The following MTMR12 variants were observed in gnomAD, a reference collection of about 807,000 sequenced individuals.
MTMR12 encodes myotubularin-related protein 12.
MTMR12 carries 33 observed loss-of-function variants against 96.7 expected under a neutral mutation model. The observed-to-expected ratio is 0.34, with a 90% confidence interval of 0.26 to 0.46. The LOEUF is 0.46. Among genes scored for constraint, MTMR12 ranks in the 20% least tolerant of loss-of-function variants. The pLI, the probability that MTMR12 is intolerant of heterozygous loss-of-function variation, is 1.00. For missense variants in MTMR12, 721 were observed against 896.1 expected (o/e 0.80, Z 2.49); for synonymous variants, 298 against 327.2 (o/e 0.91, Z 0.96).
intron 1 of MTMR12, among the ~76,000 whole-genome samples, chr5:32,277,126 C>T (rs963388340): frequency 3.9e-5 from 6 of 151,956 alleles, no homozygotes; most frequent in Non-Finnish European, 8.8e-5. Flanking sequence ...ACCTTGTGAT[C>T]TGCCCGCGTC....
chr5:32,229,763 CACTCA>C lies in MTMR12; in HGVS notation c.*10_*14del, dbSNP rs1747913896. 2 of 1,497,234 alleles carry C rather than the reference CACTCA, an allele frequency of 1.3e-6. No individual in the cohort carries two copies. Among genetic ancestry groups the C allele is most frequent in the Non-Finnish European group, 1.8e-6 (2 of 1,122,318 alleles). 92.7% of individuals were successfully genotyped at this position (1,497,234 alleles called of 1,614,324 possible). ...ATCTCCCACATTCCTCTTTCACAAT[CACTCA>C]ACAAACAGGTCACACATCCCCTAGG... On this transcript the variant is annotated 3_prime_UTR_variant, in exon 16 of 16. Coordinates refer to ENST00000382142, the MANE Select transcript of MTMR12 (RefSeq NM_001040446.3).
Position 32,312,833 on chromosome 5 carries a change from C to T in MTMR12, c.6G>A (p.Leu2=), listed in dbSNP as rs1459906074. The change falls in exon 1 of 16, where the codon CTG becomes CTA. Residue 2 remains leucine (L), a synonymous_variant. Transcript: ENST00000382142. The surrounding 1 kb of genome is among the most constrained non-coding windows in gnomAD (Gnocchi z 5.0). M[L]GKGVVGGGGG... ...CGCCACCGCCGACTACTCCTTTCCC[C>T]AGCATACCGCCGCCCTGGGAAGCAG... The T allele has an allele frequency of 2.6e-6, 4 of 1,528,552 alleles. No individual in the cohort carries two copies. The highest frequency in any genetic ancestry group is 2.4e-5 in the South Asian group (2 of 84,068). The allele number at this position is 1,528,552 out of a possible 1,614,324, so 94.7% of individuals were successfully genotyped here. A position where few individuals can be genotyped will look rare whatever the true frequency, so the allele number is the denominator to read the frequency against.
At chr5:32,236,763 G>T (rs1748247596) in intron 13 of MTMR12, among the ~76,000 whole-genome samples, 1 of 151,762 alleles carries the variant, frequency 6.6e-6, no homozygotes, top group Non-Finnish European at 1.5e-5. Flanking sequence ...CTTGAACCCA[G>T]GAAGAGGAGG....
At chr5:32,253,555 T>A (rs1332959446) in intron 8 of MTMR12, among the ~76,000 whole-genome samples, 4 of 152,158 alleles carry the variant, frequency 2.6e-5, no homozygotes, top group Non-Finnish European at 5.9e-5. Context: ...TCACACAAAC[T>A]CCACTGTAAC....
chr5:32,228,576 ATATCATATATATG>A lies in MTMR12; in HGVS notation c.*1189_*1201del, dbSNP rs1281653549. 33 of 135,014 alleles carry A rather than the reference ATATCATATATATG, an allele frequency of 2.4e-4. No individual in the cohort carries two copies. The highest frequency in any genetic ancestry group is 8.3e-4 in the African/African-American group (29 of 34,794). The allele number at this position is 135,014 out of a possible 1,614,324, so 8.4% of individuals were successfully genotyped here. The stretch of plus-strand genomic sequence containing the variant: ...TATGTGATATATATATATCATATAT[ATATCATATATATG>A]TGATATATATATATATATCATATAT... On this transcript the variant is annotated 3_prime_UTR_variant, in exon 16 of 16. Transcript: ENST00000382142.
At chr5:32,232,860 AACTCTG>A in intron 15 of MTMR12, 1 of 735,068 alleles carries the variant, frequency 1.4e-6, no homozygotes, top group African/African-American at 1.9e-5. Context: ...GAATGGAACC[AACTCTG>A]ACACCAGAAA....
At chr5:32,240,661 C>T in intron 12 of MTMR12, among the ~76,000 whole-genome samples, 1 of 152,180 alleles carries the variant, frequency 6.6e-6, no homozygotes, top group East Asian at 1.9e-4. Context: ...AGTGCAGCGG[C>T]ACAATCTTGG....
chr5:32,292,416 G>C (rs575813887), intron 1 of MTMR12, among the ~76,000 whole-genome samples: 1 of 152,254 alleles, frequency 6.6e-6, no homozygotes, highest in African/African-American at 2.4e-5. Context: ...AGTTCCAGAG[G>C]GAGGAACGCT....
chr5:32,266,169 T>A (rs1749583853), intron 6 of MTMR12, among the ~76,000 whole-genome samples: 1 of 152,158 alleles, frequency 6.6e-6, no homozygotes, highest in Non-Finnish European at 1.5e-5. Context: ...AGAGGACACA[T>A]CACTCAGCTT....
At chr5:32,279,635 C>G (rs1750206555) in intron 1 of MTMR12, among the ~76,000 whole-genome samples, 1 of 152,216 alleles carries the variant, frequency 6.6e-6, no homozygotes, top group Non-Finnish European at 1.5e-5. Flanking sequence ...ACTTCACATT[C>G]AAGGATCTGC....
chr5:32,271,096 G>T, intron 4 of MTMR12, 149 bp from the exon 5 acceptor site: 2 of 949,684 alleles, frequency 2.1e-6, no homozygotes, highest in Non-Finnish European at 1.5e-6. Flanking sequence ...ACTGCCAAAG[G>T]AAGCCCAATC....
chr5:32,270,863 A>C lies in MTMR12; in HGVS notation c.443T>G (p.Val148Gly), dbSNP rs746693062. 6.2e-7 allele frequency: 1 copy of C among 1,613,884 alleles called. No homozygotes were observed. Among genetic ancestry groups the C allele is most frequent in the South Asian group, 1.1e-5 (1 of 91,022 alleles). Residue 148 changes from valine to glycine, a missense_variant, in exon 5 of 16, where the codon GTG (valine) becomes GGG (glycine). Transcript: ENST00000382142. ...TGTGTACCTCAGACAAAACTGGAAC[A>C]CTCGAAGGTCTTTGCAGTGGATGAT... ...KLIIHCKDLR[V>G]FQFCLRYTKE...
intron 5 of MTMR12, among the ~76,000 whole-genome samples, chr5:32,270,404 A>G (rs1348316448): frequency 6.6e-6 from 1 of 151,712 alleles, no homozygotes; most frequent in Non-Finnish European, 1.5e-5. Flanking sequence ...CACAACTACT[A>G]CCTCCCAGAG....
chr5:32,258,357 T>C (rs552349987), intron 7 of MTMR12, among the ~76,000 whole-genome samples: 11 of 152,338 alleles, frequency 7.2e-5, no homozygotes, highest in African/African-American at 2.4e-4. Flanking sequence ...GGTGTAGTCA[T>C]TGAAGTAAAA....
intron 11 of MTMR12, 72 bp from the exon 12 acceptor site, chr5:32,242,199 G>C (rs1462829971): frequency 9.2e-7 from 1 of 1,082,648 alleles, no homozygotes; most frequent in Non-Finnish European, 1.4e-6. Flanking sequence ...ACGTAGTTGA[G>C]AGAGAGTCTG....
chr5:32,262,831 A>G (rs1749419565), intron 7 of MTMR12, among the ~76,000 whole-genome samples: 1 of 152,210 alleles, frequency 6.6e-6, no homozygotes, highest in African/African-American at 2.4e-5. Context: ...CAAGTCATAA[A>G]AGATCACATA....
At chr5:32,260,493 A>T (rs1008433148) in intron 7 of MTMR12, among the ~76,000 whole-genome samples, 1 of 151,806 alleles carries the variant, frequency 6.6e-6, no homozygotes, top group Non-Finnish European at 1.5e-5. Context: ...TTTTTTTTAA[A>T]AACAATTCTG....
chr5:32,228,604 ATAT>A lies in MTMR12; in HGVS notation c.*1171_*1173del, dbSNP rs1234421273. ...TCATATATATGTGATATATATATAT[ATAT>A]CATATATATGATATATATATATCAC... On this transcript the variant is annotated 3_prime_UTR_variant, in exon 16 of 16. Coordinates refer to ENST00000382142, the MANE Select transcript of MTMR12 (RefSeq NM_001040446.3). The A allele has an allele frequency of 6.4e-5, 7 of 109,984 alleles. No homozygotes were observed. Among genetic ancestry groups the A allele is most frequent in the African/African-American group, 2.0e-4 (6 of 30,248 alleles). The allele number at this position is 109,984 out of a possible 1,614,324, so 6.8% of individuals were successfully genotyped here.
rs752327449 is a variant in MTMR12 at position 32,233,473 on chromosome 5, AAC to A, written c.1674+298_1674+299del. ...CTCTACTAACACACACACACACACAAACACACACACACACACACACACACAGG... is the reference window on the plus strand; with the variant it reads ...CTCTACTAACACACACACACACACAAACACACACACACACACACACACAGG... On this transcript the variant is annotated intron_variant, in intron 15 of 15. Transcript: ENST00000382142. The surrounding 1 kb of genome is among the most constrained non-coding windows in gnomAD (Gnocchi z 5.0). 1.9e-3 allele frequency among the ~76,000 whole-genome samples: 115 copies of A among 59,766 alleles called. No individual in the cohort carries two copies. The highest frequency in any genetic ancestry group is 0.012 in the Middle Eastern group (1 of 86). The allele number at this position is 59,766 out of a possible 152,430, so 39.2% of individuals were successfully genotyped here. A position where few individuals can be genotyped will look rare whatever the true frequency, so the allele number is the denominator to read the frequency against.
Sources: gnomAD v4.1 joint callset for allele counts (sites outside exome capture counted in the v4.1 genomes callset) on GRCh38, gnomAD v4.1.1 for gene constraint, Gnocchi (gnomAD v3.1) non-coding constraint, MANE v1.5 for transcripts, NCBI Gene and HGNC (gene_info 2026-07-23, HGNC 2026-07-21) for gene names.